Variants in ABCC10 observed in about 807,000 individuals in gnomAD.
The protein encoded by ABCC10 is ATP binding cassette subfamily C member 10.
Under a neutral mutation model 143.2 loss-of-function variants are expected in ABCC10, and 110 were observed. That is an observed-to-expected ratio of 0.77 (90% CI 0.66 to 0.90). The LOEUF (loss-of-function observed/expected upper bound fraction) is 0.90, where lower values mean the gene tolerates loss of function less well. Ranked by LOEUF, ABCC10 falls within the 40% of genes least tolerant of loss-of-function variation. The pLI, the probability that ABCC10 is intolerant of heterozygous loss-of-function variation, is 0.00. For missense variants in ABCC10, 1,700 were observed against 1,900.5 expected (o/e 0.89, Z 1.96); for synonymous variants, 805 against 846.7 (o/e 0.95, Z 0.85).
chr6:43,445,196 A>G lies in ABCC10; in HGVS notation c.2912A>G (p.Tyr971Cys). ...SSDIRFYLTV[Y>C]ATIAGVNSLC... ...GACATCCGTTTCTACCTCACCGTGTATGCGACCATTGCTGGTGTAAATTCC... is the reference window on the plus strand; with the variant it reads ...GACATCCGTTTCTACCTCACCGTGTGTGCGACCATTGCTGGTGTAAATTCC... Residue 971 changes from tyrosine (Y) to cysteine (C), a missense_variant, in exon 14 of 22, where the codon TAT becomes TGT. Transcript: ENST00000372530. 6.2e-7 allele frequency: 1 copy of G among 1,614,084 alleles called. No homozygotes were observed. The highest frequency in any genetic ancestry group is 8.5e-7 in the Non-Finnish European group (1 of 1,179,972).
At position 43,438,444 on chromosome 6, in the gene ABCC10, G is replaced by A. The variant is rs533848501; in HGVS notation, c.1956-180G>A. 95 of 1,429,676 alleles carry A rather than the reference G, an allele frequency of 6.6e-5. 1 individual carries two copies. Among genetic ancestry groups the A allele is most frequent in the African/African-American group, 5.4e-4 (38 of 69,744 alleles). 88.6% of individuals were successfully genotyped at this position (1,429,676 alleles called of 1,614,324 possible). A position where few individuals can be genotyped will look rare whatever the true frequency, so the allele number is the denominator to read the frequency against. On this transcript the variant is annotated intron_variant, in intron 7 of 21. Transcript: ENST00000372530. ...CAAAGAGCTATTTCTTCCCTTCTTC[G>A]CCCAGAATGGGCTTCATTAGGACCC...
rs948429742 is a variant in ABCC10 at position 43,449,969 on chromosome 6, C to T, written c.4357C>T (p.Gln1453Ter). ...ILNSDRVLVL[Q>*]AGRVVELDSP... ...GAACTCAGACCGGGTGCTGGTGCTA[C>T]AAGCGGGGAGAGTGGTAGAGCTGGA... is the stretch of plus-strand genomic sequence containing the variant. Residue 1453 changes from glutamine (Q) to a stop codon, truncating the protein, a stop_gained, in exon 22 of 22, where the codon CAA becomes TAA. Transcript: ENST00000372530. LOFTEE classifies it high-confidence loss of function. 1 of 1,614,046 alleles carries T rather than the reference C, an allele frequency of 6.2e-7. No homozygotes were observed. The highest frequency in any genetic ancestry group is 1.3e-5 in the African/African-American group (1 of 75,032).
rs180759965 is a variant in ABCC10, at chr6:43,433,663, G to C, written c.1380+303G>C. Among the ~76,000 whole-genome samples, 4 of 152,334 alleles carry C rather than the reference G, an allele frequency of 2.6e-5. No homozygotes were observed. The East Asian group carries it at 7.7e-4, about 29-fold the overall frequency. ...TGCTTAGTGTAGTGCCAGTCACAAA[G>C]TAAGCTCTGAATACATGTGGCCACC... On this transcript the variant is annotated intron_variant, in intron 3 of 21. Coordinates refer to ENST00000372530, the MANE Select transcript of ABCC10 (RefSeq NM_001198934.2).
chr6:43,442,730 C>CAAAA (rs113079901), intron 9 of ABCC10, among the ~76,000 whole-genome samples: 11 of 137,590 alleles, frequency 8.0e-5, no homozygotes, highest in African/African-American at 2.7e-4. Context: ...GACCATGTCT[C>CAAAA]AAAAAAAAAA....
chr6:43,437,811 AAAG>A, intron 6 of ABCC10, 120 bp from the exon 7 acceptor site: 1 of 915,610 alleles, frequency 1.1e-6, no homozygotes, highest in South Asian at 1.5e-5. Flanking sequence ...CCTACACACT[AAAG>A]AAAGAAGAAA....
chr6:43,431,585 C>A (rs1416874767), intron 2 of ABCC10, among the ~76,000 whole-genome samples: 2 of 152,324 alleles, frequency 1.3e-5, no homozygotes, highest in East Asian at 3.9e-4. Context: ...TGGTCTCGAA[C>A]TCCTAACCTC....
rs117689292 is a variant in ABCC10 at position 43,447,264 on chromosome 6, G to A, written c.3561G>A (p.Ser1187=). Residue 1187 remains serine, a synonymous_variant, in exon 17 of 22, where the codon TCG becomes TCA. Transcript: ENST00000372530. ...CTCCCCCAGGGCTGGTGGGCTTGTC[G>A]CTGTCTTATGCCCTGTCCCTGACGG... ...GLANPGLVGL[S]LSYALSLTGL... The A allele has an allele frequency of 8.9e-5, 143 of 1,613,300 alleles. No homozygotes were observed. In the African/African-American group the frequency reaches 1.5e-3, roughly 17 times the overall value.
intron 8 of ABCC10, among the ~76,000 whole-genome samples, chr6:43,440,760 G>T (rs1256562690): frequency 1.3e-5 from 2 of 151,854 alleles, no homozygotes; most frequent in Non-Finnish European, 2.9e-5. Context: ...TACTCGGGAG[G>T]CTGAGGCAGG....
At chr6:43,445,997 A>AC (rs1465194557) in intron 15 of ABCC10, 55 bp downstream of exon 15, 1 of 1,531,468 alleles carries the variant, frequency 6.5e-7, no homozygotes, top group South Asian at 1.2e-5. Context: ...GAAAAGAGAG[A>AC]CCCCCAAGAA....
intron 18 of ABCC10, chr6:43,448,151 C>G (rs1240382800): frequency 2.7e-6 from 2 of 750,902 alleles, no homozygotes; most frequent in Non-Finnish European, 4.6e-6. Context: ...CTCGCCCTGA[C>G]CCAGGCCACC....
intron 8 of ABCC10, among the ~76,000 whole-genome samples, chr6:43,439,320 C>T (rs913410888): frequency 1.3e-5 from 2 of 152,180 alleles, no homozygotes; most frequent in East Asian, 1.9e-4. Context: ...TGTGGAATGT[C>T]CCTGAAAAGG....
chr6:43,432,669 C>T lies in ABCC10; in HGVS notation c.689C>T (p.Ala230Val). ...TCACGCTTTTCCTATGCCTGGCTGG[C>T]ACCCTTGCTGGCCCGTGGGGCCTGT... ...WLSRFSYAWL[A>V]PLLARGACGE... Residue 230 changes from alanine to valine, a missense_variant, in exon 3 of 22, where the codon GCA becomes GTA. Ala to Val is a moderately conservative substitution (Grantham distance 64). Coordinates refer to ENST00000372530, the MANE Select transcript of ABCC10 (RefSeq NM_001198934.2). The T allele has an allele frequency of 6.2e-7, 1 of 1,613,990 alleles. No homozygotes were observed. Among genetic ancestry groups the T allele is most frequent in the Non-Finnish European group, 8.5e-7 (1 of 1,180,020 alleles).
intron 2 of ABCC10, among the ~76,000 whole-genome samples, chr6:43,429,157 G>C (rs568823406): frequency 2.0e-5 from 3 of 152,236 alleles, no homozygotes; most frequent in African/African-American, 7.2e-5. Context: ...GGCCTCAGAA[G>C]GCTTTAACTT....
intron 3 of ABCC10, 150 bp from the exon 4 acceptor site, chr6:43,434,471 G>A (rs570809876): frequency 2.8e-6 from 2 of 717,468 alleles, no homozygotes; most frequent in African/African-American, 1.8e-5. Flanking sequence ...AAAGTACTGA[G>A]GTGAGGAAGA....
chr6:43,438,650 G>T lies in ABCC10; in HGVS notation c.1982G>T (p.Gly661Val). 1 of 1,614,130 alleles carries T rather than the reference G, an allele frequency of 6.2e-7. No homozygotes were observed. Among genetic ancestry groups the T allele is most frequent in the Non-Finnish European group, 8.5e-7 (1 of 1,180,036 alleles). The change falls in exon 8 of 22, where the codon GGG (glycine) becomes GTG (valine). Residue 661 changes from glycine (G) to valine (V), a missense_variant. Coordinates refer to ENST00000372530, the MANE Select transcript of ABCC10 (RefSeq NM_001198934.2). ...CTGCGTGGGCATGTGGCAGTGCGGG[G>T]GCTGTCCAAGGGCTTTGGCCTGGCC... Reference protein sequence around the residue: ...HRLRGHVAVRGLSKGFGLATQ... With the variant: ...HRLRGHVAVRVLSKGFGLATQ...
At chr6:43,442,600 T>C (rs1782590671) in intron 9 of ABCC10, among the ~76,000 whole-genome samples, 1 of 151,908 alleles carries the variant, frequency 6.6e-6, no homozygotes, top group Non-Finnish European at 1.5e-5. Flanking sequence ...CTTGATAGCA[T>C]GCACCTGTAG....
intron 9 of ABCC10, 124 bp from the exon 10 acceptor site, chr6:43,442,846 T>A (rs1465693219): frequency 1.2e-6 from 1 of 859,042 alleles, no homozygotes; most frequent in African/African-American, 1.7e-5. Flanking sequence ...AGGTCTCACC[T>A]CCTTCTCTGC....
rs776747439 is a variant in ABCC10 at position 43,447,346 on chromosome 6, G to A, written c.3643G>A (p.Val1215Ile). The part of the protein sequence containing the change: ...FTQTEAMLVS[V>I]ERLEEYTCDL... The stretch of plus-strand genomic sequence containing the variant: ...ACAGACAGAGGCCATGCTGGTGAGC[G>A]TCGAGCGGCTGGAAGAGTACACCTG... The change falls in exon 17 of 22, where the codon GTC becomes ATC. Residue 1215 changes from valine to isoleucine, a missense_variant. Coordinates refer to ENST00000372530, the MANE Select transcript of ABCC10 (RefSeq NM_001198934.2). 1.7e-5 allele frequency: 28 copies of A among 1,613,286 alleles called. 1 individual carries two copies. Among genetic ancestry groups the A allele is most frequent in the Middle Eastern group, 1.6e-4 (1 of 6,084 alleles).
rs913288567 is a variant in ABCC10 at position 43,450,424 on chromosome 6, G to A, written c.*333G>A. On this transcript the variant is annotated 3_prime_UTR_variant, in exon 22 of 22. Transcript: ENST00000372530. The surrounding 1 kb of genome is among the most constrained non-coding windows in gnomAD (Gnocchi z 4.5). The stretch of plus-strand genomic sequence containing the variant: ...GTATTAAAAAAATAATATTTCTGGT[G>A]TGAGGCTGAGGTCTCCTCTGTGTGT... 1 of 1,185,204 alleles carries A rather than the reference G, an allele frequency of 8.4e-7. No individual in the cohort carries two copies. The highest frequency in any genetic ancestry group is 1.2e-6 in the Non-Finnish European group (1 of 866,044). The allele number at this position is 1,185,204 out of a possible 1,614,324, so 73.4% of individuals were successfully genotyped here.
Sources: gnomAD v4.1 joint callset for allele counts (sites outside exome capture counted in the v4.1 genomes callset) on GRCh38, gnomAD v4.1.1 for gene constraint, Gnocchi (gnomAD v3.1) non-coding constraint, MANE v1.5 for transcripts, NCBI Gene and HGNC (gene_info 2026-07-23, HGNC 2026-07-21) for gene names.